Variants in EIF3H observed in about 807,000 individuals in gnomAD.
The protein encoded by EIF3H is eIF-3-gamma.
EIF3H carries 26 observed loss-of-function variants against 44.2 expected under a neutral mutation model. That is an observed-to-expected ratio of 0.59 (90% CI 0.43 to 0.82). The LOEUF is 0.82. EIF3H is among the 40% of genes least tolerant of loss of function. The pLI is 0.00. For missense variants in EIF3H, 359 were observed against 432.8 expected, an observed-to-expected ratio of 0.83 and a Z score of 1.51; for synonymous variants, 166 against 151.9, an observed-to-expected ratio of 1.09 and a Z score of -0.68.
chr8:116,746,702 A>AT (rs1481401930), intron 1 of EIF3H, among the ~76,000 whole-genome samples: 4 of 152,176 alleles, frequency 2.6e-5, no homozygotes, highest in Admixed American at 6.5e-5. Flanking sequence ...ACGCTAAATG[A>AT]TTTTTCTATT....
chr8:116,735,212 A>C (rs1172104256), intron 1 of EIF3H, among the ~76,000 whole-genome samples: 1 of 152,246 alleles, frequency 6.6e-6, no homozygotes, highest in African/African-American at 2.4e-5. Context: ...TGCAAAACCT[A>C]GGAGCTAAGT....
At chr8:116,711,277 A>G (rs1814568388) in intron 2 of EIF3H, among the ~76,000 whole-genome samples, 1 of 152,212 alleles carries the variant, frequency 6.6e-6, no homozygotes, top group South Asian at 2.1e-4. Flanking sequence ...TAACTTCTAT[A>G]CCACCCTATT....
intron 2 of EIF3H, among the ~76,000 whole-genome samples, chr8:116,666,599 T>C (rs1333516093): frequency 6.6e-6 from 1 of 151,828 alleles, no homozygotes; most frequent in Non-Finnish European, 1.5e-5. Flanking sequence ...TCTATGTCAT[T>C]TGAGATGTGT....
chr8:116,681,754 A>C (rs970803095), intron 2 of EIF3H, among the ~76,000 whole-genome samples: 1 of 152,200 alleles, frequency 6.6e-6, no homozygotes, highest in Non-Finnish European at 1.5e-5. Flanking sequence ...ACTGTGTTAA[A>C]GATGACACAA....
chr8:116,669,905 C>T (rs1171065733), intron 2 of EIF3H, among the ~76,000 whole-genome samples: 1 of 152,154 alleles, frequency 6.6e-6, no homozygotes, highest in Non-Finnish European at 1.5e-5. Context: ...TCTTTCCCTA[C>T]ACACTCTGCT....
At chr8:116,716,925 A>G (rs1042903013) in intron 2 of EIF3H, among the ~76,000 whole-genome samples, 2 of 152,154 alleles carry the variant, frequency 1.3e-5, no homozygotes, top group African/African-American at 4.8e-5. Context: ...CATTAAAATT[A>G]TGAAATATTT....
In EIF3H at chr8:116,690,810, C is replaced by G. The variant is rs538125556; in HGVS notation, c.290-31830G>C. On this transcript the variant is annotated intron_variant, in intron 2 of 7. Transcript: ENST00000521861. ...AATATTCAAAGATTATCTCTGCTCTCTGCACTCATTTTAAATAAAAAGTAA... is the reference window on the plus strand; with the variant it reads ...AATATTCAAAGATTATCTCTGCTCTGTGCACTCATTTTAAATAAAAAGTAA... Among the ~76,000 whole-genome samples, 63 of 152,284 alleles carry G rather than the reference C, an allele frequency of 4.1e-4. 1 individual carries two copies. The South Asian group carries it at 0.012, about 29-fold the overall frequency.
At chr8:116,749,318 A>T (rs1218886741) in intron 1 of EIF3H, among the ~76,000 whole-genome samples, 3 of 152,224 alleles carry the variant, frequency 2.0e-5, no homozygotes, top group African/African-American at 7.2e-5. Context: ...GCTCAGAGAA[A>T]GGAAGAGAGC....
chr8:116,672,380 CT>C (rs1277750923), intron 2 of EIF3H, among the ~76,000 whole-genome samples: 1 of 152,202 alleles, frequency 6.6e-6, no homozygotes, highest in Non-Finnish European at 1.5e-5. Flanking sequence ...AATCCCAACA[CT>C]TTGGAAGGCT....
At chr8:116,695,634 G>A (rs554977078) in intron 2 of EIF3H, among the ~76,000 whole-genome samples, 2 of 152,182 alleles carry the variant, frequency 1.3e-5, no homozygotes, top group Non-Finnish European at 2.9e-5. Context: ...GATAGGAGGA[G>A]GAATAGCACA....
intron 1 of EIF3H, among the ~76,000 whole-genome samples, chr8:116,762,831 C>T (rs1815531856): frequency 6.6e-6 from 1 of 152,208 alleles, no homozygotes; most frequent in Non-Finnish European, 1.5e-5. Flanking sequence ...GTAATCCCAG[C>T]TACTTAGAAG....
In EIF3H at chr8:116,705,221, A is replaced by G. The variant is rs1035077316; in HGVS notation, c.289+20795T>C. Among the ~76,000 whole-genome samples, 3 of 152,196 alleles carry G rather than the reference A, an allele frequency of 2.0e-5. 1 individual carries two copies. Among genetic ancestry groups the G allele is most frequent in the Admixed American group, 2.0e-4 (3 of 15,282 alleles). On this transcript the variant is annotated intron_variant, in intron 2 of 7. Coordinates refer to ENST00000521861, the MANE Select transcript of EIF3H (RefSeq NM_003756.3). ...ATGATATTTGTAAAAAGTTATAGAT[A>G]AAGGCACAGAATATATTTATACATT...
At chr8:116,660,042 G>C (rs115656740) in intron 2 of EIF3H, among the ~76,000 whole-genome samples, 2 of 151,828 alleles carry the variant, frequency 1.3e-5, no homozygotes, top group Non-Finnish European at 2.9e-5. Context: ...GTGAACCACC[G>C]CACCCGGCTA....
At chr8:116,665,413 A>G (rs955351083) in intron 2 of EIF3H, among the ~76,000 whole-genome samples, 1 of 152,208 alleles carries the variant, frequency 6.6e-6, no homozygotes, top group African/African-American at 2.4e-5. Context: ...TTGTAACTAA[A>G]TACTGGCTTA....
At chr8:116,690,864 T>C (rs1216864155) in intron 2 of EIF3H, among the ~76,000 whole-genome samples, 2 of 152,230 alleles carry the variant, frequency 1.3e-5, no homozygotes, top group Non-Finnish European at 2.9e-5. Context: ...TTTCCTCTGT[T>C]AAATTAAGCA....
At chr8:116,708,834 A>C (rs1563648939) in intron 2 of EIF3H, among the ~76,000 whole-genome samples, 1 of 152,076 alleles carries the variant, frequency 6.6e-6, no homozygotes, top group Non-Finnish European at 1.5e-5. Context: ...TGATCCAAGC[A>C]AAAAACTAAA....
chr8:116,737,287 C>T (rs1429811147), intron 1 of EIF3H: 1 of 435,802 alleles, frequency 2.3e-6, no homozygotes, highest in East Asian at 7.1e-5. Context: ...AAGGCATTTC[C>T]CTGGGGAAGA....
chr8:116,752,714 A>G (rs540433541), intron 1 of EIF3H, among the ~76,000 whole-genome samples: 1 of 133,448 alleles, frequency 7.5e-6, no homozygotes, highest in Non-Finnish European at 1.6e-5. Context: ...GAAAGAAAGA[A>G]AGAAAGAAAG....
intron 4 of EIF3H, among the ~76,000 whole-genome samples, chr8:116,656,292 G>A (rs1427509163): frequency 1.3e-5 from 2 of 152,106 alleles, no homozygotes; most frequent in Non-Finnish European, 2.9e-5. Flanking sequence ...AAATTTCACT[G>A]ATACTAAAAT....
Sources: gnomAD v4.1 joint callset for allele counts (sites outside exome capture counted in the v4.1 genomes callset) on GRCh38, gnomAD v4.1.1 for gene constraint, MANE v1.5 for transcripts, NCBI Gene and HGNC (gene_info 2026-07-23, HGNC 2026-07-21) for gene names.